The following SAE1 variants were observed in gnomAD, a reference collection of about 807,000 sequenced individuals.
SAE1 encodes the protein SUMO1 activating enzyme subunit 1.
SAE1 carries 11 observed loss-of-function variants against 40.6 expected under a neutral mutation model. The observed-to-expected ratio is 0.27, with a 90% CI of 0.17 to 0.45. The LOEUF (loss-of-function observed/expected upper bound fraction) is 0.45. Ranked by LOEUF, SAE1 falls within the 20% of genes least tolerant of loss-of-function variation. SAE1 has a pLI of 1.00. For missense variants in SAE1, 373 were observed against 427.3 expected (o/e 0.87, Z 1.12); for synonymous variants, 155 against 154.3 (o/e 1.00, Z -0.03).
intron 6 of SAE1, among the ~76,000 whole-genome samples, chr19:47,178,603 G>T (rs2058485085): frequency 6.6e-6 from 1 of 152,142 alleles, no homozygotes; most frequent in South Asian, 2.1e-4. Flanking sequence ...CCTCCAAGTA[G>T]TGGGGATCAC....
At chr19:47,133,097 G>A (rs1161287693) in intron 1 of SAE1, among the ~76,000 whole-genome samples, 3 of 152,198 alleles carry the variant, frequency 2.0e-5, no homozygotes, top group Non-Finnish European at 2.9e-5. Context: ...CAGAGGCCCA[G>A]GCATGATTGT....
At chr19:47,167,330 G>A (rs984160823) in intron 5 of SAE1, among the ~76,000 whole-genome samples, 3 of 149,240 alleles carry the variant, frequency 2.0e-5, no homozygotes, top group South Asian at 2.1e-4. Context: ...GTAGTGGCAC[G>A]ATGGGTTCAC....
intron 7 of SAE1, among the ~76,000 whole-genome samples, chr19:47,202,640 G>C (rs1470522634): frequency 2.0e-5 from 3 of 151,506 alleles, no homozygotes; most frequent in Non-Finnish European, 1.5e-5. Flanking sequence ...GGGGCTGGGC[G>C]CAGTGGCTCA....
intron 1 of SAE1, among the ~76,000 whole-genome samples, chr19:47,141,251 C>G (rs1487800202): frequency 6.6e-6 from 1 of 152,210 alleles, no homozygotes; most frequent in African/African-American, 2.4e-5. Flanking sequence ...ATCTGCCCGC[C>G]TTGGCCTCCC....
chr19:47,164,136 A>G (rs2058375307), intron 5 of SAE1, among the ~76,000 whole-genome samples: 2 of 151,782 alleles, frequency 1.3e-5, no homozygotes, highest in Non-Finnish European at 2.9e-5. Flanking sequence ...CATTCCCCAA[A>G]TCTGCTTTGG....
chr19:47,137,640 G>A (rs969654692), intron 1 of SAE1, among the ~76,000 whole-genome samples: 14 of 151,774 alleles, frequency 9.2e-5, no homozygotes, highest in Non-Finnish European at 1.8e-4. Context: ...GGGACCACAG[G>A]CGTATGCCAT....
chr19:47,146,778 C>T (rs564372170), intron 2 of SAE1, among the ~76,000 whole-genome samples: 1 of 152,276 alleles, frequency 6.6e-6, no homozygotes, highest in East Asian at 1.9e-4. Context: ...GGACCACTCT[C>T]ATGGAAATAG....
intron 6 of SAE1, among the ~76,000 whole-genome samples, chr19:47,184,505 G>T (rs2058531102): frequency 6.6e-6 from 1 of 151,874 alleles, no homozygotes; most frequent in African/African-American, 2.4e-5. Flanking sequence ...CCACCTCCTG[G>T]GTTCAAGCGA....
At chr19:47,143,017 T>C (rs2058231676) in intron 1 of SAE1, among the ~76,000 whole-genome samples, 1 of 152,196 alleles carries the variant, frequency 6.6e-6, no homozygotes, top group South Asian at 2.1e-4. Context: ...AATAAATATT[T>C]GTTGAATGAA....
At position 47,165,659 on chromosome 19, in the gene SAE1, G is replaced by A. The variant is rs149347504; in HGVS notation, c.628-4159G>A. On this transcript the variant is annotated intron_variant, in intron 5 of 8. Coordinates refer to ENST00000270225, the MANE Select transcript of SAE1 (RefSeq NM_005500.3). ...TCGGGTGTATTTTTTCTTTATAAGC[G>A]TAATGCCAGTGGAGTGGGTAAGACA... is the stretch of plus-strand genomic sequence containing the variant. 1.4e-4 allele frequency among the ~76,000 whole-genome samples: 21 copies of A among 152,316 alleles called. No homozygotes were observed. In the East Asian group the frequency reaches 3.7e-3, roughly 27 times the overall value.
At chr19:47,181,312 A>C (rs780000036) in intron 6 of SAE1, among the ~76,000 whole-genome samples, 30 of 151,998 alleles carry the variant, frequency 2.0e-4, no homozygotes, top group Non-Finnish European at 3.1e-4. Flanking sequence ...GCGAAACTCT[A>C]TCTCAAAATA....
chr19:47,152,500 A>T (rs1600161639), intron 3 of SAE1, among the ~76,000 whole-genome samples: 1 of 152,242 alleles, frequency 6.6e-6, no homozygotes, highest in African/African-American at 2.4e-5. Flanking sequence ...GGGTCAATTT[A>T]AAAAACTGGT....
intron 8 of SAE1, among the ~76,000 whole-genome samples, chr19:47,206,055 G>A (rs1160431204): frequency 1.3e-5 from 2 of 152,218 alleles, no homozygotes; most frequent in African/African-American, 4.8e-5. Flanking sequence ...CATGTGGGAT[G>A]GAGACTGGAG....
At chr19:47,160,342 C>G (rs571537667) in intron 5 of SAE1, among the ~76,000 whole-genome samples, 1 of 149,648 alleles carries the variant, frequency 6.7e-6, no homozygotes, top group Non-Finnish European at 1.5e-5. Flanking sequence ...CTGCGTTAGC[C>G]TTCCGAGTAG....
chr19:47,173,382 C>CCTCCAA (rs1255587839), intron 6 of SAE1, among the ~76,000 whole-genome samples: 1 of 152,156 alleles, frequency 6.6e-6, no homozygotes, highest in East Asian at 1.9e-4. Flanking sequence ...CCTGTCCACC[C>CCTCCAA]CTCCAACCCC....
intron 7 of SAE1, among the ~76,000 whole-genome samples, chr19:47,200,133 CT>C: frequency 6.6e-6 from 1 of 151,706 alleles, no homozygotes; most frequent in Non-Finnish European, 1.5e-5. Context: ...TGTGGTTTCG[CT>C]GTGTTAGCCA....
intron 6 of SAE1, among the ~76,000 whole-genome samples, chr19:47,178,250 AAAAAG>A (rs2058483204): frequency 6.6e-6 from 1 of 152,142 alleles, no homozygotes; most frequent in Admixed American, 6.5e-5. Context: ...TCCAAAAAAA[AAAAAG>A]AAATCTATCT....
intron 1 of SAE1, 120 bp from the exon 2 acceptor site, chr19:47,143,374 G>C: frequency 1.4e-6 from 1 of 708,752 alleles, no homozygotes; most frequent in Non-Finnish European, 2.5e-6. Flanking sequence ...TAAAGTGCTG[G>C]GATTACAGGC....
intron 5 of SAE1, among the ~76,000 whole-genome samples, chr19:47,158,899 G>C (rs1378410197): frequency 1.3e-5 from 2 of 152,216 alleles, no homozygotes; most frequent in African/African-American, 4.8e-5. Flanking sequence ...GAAGTTGCTA[G>C]GGTAACGTGA....
Sources: allele counts gnomAD v4.1 joint callset (sites outside exome capture counted in the v4.1 genomes callset), GRCh38; gene constraint gnomAD v4.1.1; transcripts MANE v1.5; gene names NCBI Gene and HGNC (gene_info 2026-07-23, HGNC 2026-07-21).